The following BPTF variants were observed in gnomAD, a reference collection of about 807,000 sequenced individuals.
BPTF encodes the protein nucleosome-remodeling factor subunit BPTF.
Under a neutral mutation model 292.5 loss-of-function variants are expected in BPTF, and 18 were observed. The ratio of observed to expected loss-of-function variants is 0.06; its 90% CI spans 0.04 to 0.09. The LOEUF is 0.09. BPTF is among the 10% of genes least tolerant of loss of function. BPTF has a pLI of 1.00. For missense variants in BPTF, 2,726 were observed against 3,498.7 expected, an observed-to-expected ratio of 0.78 and a Z score of 5.57; for synonymous variants, 1,225 against 1,251.9, an observed-to-expected ratio of 0.98 and a Z score of 0.45.
intron 24 of BPTF, among the ~76,000 whole-genome samples, chr17:67,963,004 T>TA (rs1360895376): frequency 9.2e-5 from 14 of 152,214 alleles, no homozygotes; most frequent in African/African-American, 3.1e-4. Flanking sequence ...TTGTGCCTGT[T>TA]ACAGTTTTAC....
intron 27 of BPTF, among the ~76,000 whole-genome samples, chr17:67,976,280 C>G (rs2069403328): frequency 6.6e-6 from 1 of 152,194 alleles, no homozygotes; most frequent in Non-Finnish European, 1.5e-5. Flanking sequence ...CGAGCCCAGA[C>G]TGGCCAACAT....
In BPTF at chr17:67,891,825, TGGCC is replaced by T. The variant is rs2061135937; in HGVS notation, c.1865-18_1865-15del. 1 of 1,542,776 alleles carries T rather than the reference TGGCC, an allele frequency of 6.5e-7. No homozygotes were observed. The highest frequency in any genetic ancestry group is 1.4e-5 in the African/African-American group (1 of 71,540). The stretch of plus-strand genomic sequence containing the variant: ...TTACTTATTGTCAGCAATTGCTTTG[TGGCC>T]TATTCATTTGACAGTAGGTGATTTC... On this transcript the variant is annotated splice_polypyrimidine_tract_variant and intron_variant, in intron 4 of 27. Coordinates refer to ENST00000306378, the MANE Select transcript of BPTF (RefSeq NM_182641.4).
chr17:67,948,445 G>A (rs183982268), intron 23 of BPTF, 139 bp downstream of exon 23: 356 of 763,480 alleles, frequency 4.7e-4, no homozygotes, highest in Non-Finnish European at 4.6e-4. Context: ...GTAAAAAGCA[G>A]TGCAGCGTGT....
intron 1 of BPTF, among the ~76,000 whole-genome samples, chr17:67,831,293 A>G (rs1205375622): frequency 6.6e-6 from 1 of 152,146 alleles, no homozygotes; most frequent in Non-Finnish European, 1.5e-5. Context: ...TTCAGTAACA[A>G]TGGGGAGGTC....
rs1238327938 is a variant in BPTF, at chr17:67,982,475, A to G, written c.*187A>G. On this transcript the variant is annotated 3_prime_UTR_variant, in exon 28 of 28. Transcript: ENST00000306378. ...TTGTCCAACGGACAAGAAAAAAGCAAAGTCAACGACACCATTATCTTGTCA... is the reference window on the plus strand; with the variant it reads ...TTGTCCAACGGACAAGAAAAAAGCAGAGTCAACGACACCATTATCTTGTCA... The G allele has an allele frequency of 2.1e-6, 1 of 484,932 alleles. No individual in the cohort carries two copies. The highest frequency in any genetic ancestry group is 2.0e-5 in the African/African-American group (1 of 50,420). 30.0% of individuals were successfully genotyped at this position (484,932 alleles called of 1,614,324 possible). A position where few individuals can be genotyped will look rare whatever the true frequency, so the allele number is the denominator to read the frequency against.
chr17:67,919,065 G>A (rs921665658), intron 12 of BPTF, among the ~76,000 whole-genome samples: 1 of 151,344 alleles, frequency 6.6e-6, no homozygotes, highest in Non-Finnish European at 1.5e-5. Flanking sequence ...CCAGCTACTC[G>A]GGAGGCTGAG....
chr17:67,951,161 A>G (rs2066318169), intron 23 of BPTF: 1 of 152,006 alleles, frequency 6.6e-6, no homozygotes, highest in Non-Finnish European at 1.5e-5. Flanking sequence ...TGATTACATC[A>G]TTGGCTGTTG....
chr17:67,838,802 A>G (rs2144257888), intron 1 of BPTF, among the ~76,000 whole-genome samples: 1 of 152,332 alleles, frequency 6.6e-6, no homozygotes, highest in East Asian at 1.9e-4. Context: ...CTTTTTACAA[A>G]ATTGGAAGAA....
intron 24 of BPTF, among the ~76,000 whole-genome samples, chr17:67,961,971 CAAA>C (rs59543153): frequency 8.3e-6 from 1 of 120,768 alleles, no homozygotes. Flanking sequence ...AAAGCTCTGT[CAAA>C]AAAAAAAAAG....
At chr17:67,830,254 A>C (rs1393189495) in intron 1 of BPTF, among the ~76,000 whole-genome samples, 2 of 152,206 alleles carry the variant, frequency 1.3e-5, no homozygotes, top group Non-Finnish European at 2.9e-5. Flanking sequence ...CTTGTGTGAG[A>C]CTTCTGAGAA....
intron 14 of BPTF, 37 bp from the exon 15 acceptor site, chr17:67,924,510 G>T (rs768780576): frequency 6.2e-7 from 1 of 1,604,114 alleles, no homozygotes; most frequent in South Asian, 1.1e-5. Flanking sequence ...TGCCTAACAG[G>T]CTAGTTTCTG....
chr17:67,853,792 C>T lies in BPTF; in HGVS notation c.614-148C>T, dbSNP rs1303931363. The T allele has an allele frequency of 2.5e-5, 16 of 632,108 alleles. No individual in the cohort carries two copies. In the East Asian group the frequency reaches 4.4e-4, roughly 17 times the overall value. The allele number at this position is 632,108 out of a possible 1,614,324, so 39.2% of individuals were successfully genotyped here. A position where few individuals can be genotyped will look rare whatever the true frequency, so the allele number is the denominator to read the frequency against. ...TTTTCTATAGATTTAAAAATTAGAGCTGAATCATTGCTTCTTCGTATTATT... is the reference window on the plus strand; with the variant it reads ...TTTTCTATAGATTTAAAAATTAGAGTTGAATCATTGCTTCTTCGTATTATT... On this transcript the variant is annotated intron_variant, in intron 1 of 27. Transcript: ENST00000306378.
Position 67,911,405 on chromosome 17 carries a change from G to C in BPTF, c.3521G>C (p.Ser1174Thr), listed in dbSNP as rs767140242. 9.9e-6 allele frequency: 16 copies of C among 1,613,976 alleles called. No homozygotes were observed. The highest frequency in any genetic ancestry group is 1.3e-5 in the African/African-American group (1 of 74,906). ...DRVLDDVSIRSPETKCPKQNS... is the reference protein window; with the variant it reads ...DRVLDDVSIRTPETKCPKQNS... ...GTGTTAGATGATGTCTCCATTCGGA[G>C]CCCAGAAACAAAATGTCCGAAACAA... The change falls in exon 11 of 28, where the codon AGC becomes ACC. Residue 1174 changes from serine to threonine, a missense_variant. Around this residue, in one of 22 missense-constraint regions of BPTF, gnomAD observed 713 missense variants for 714.9 expected, o/e 1.00. Coordinates refer to ENST00000306378, the MANE Select transcript of BPTF (RefSeq NM_182641.4).
intron 26 of BPTF, among the ~76,000 whole-genome samples, chr17:67,967,237 G>A (rs1347396407): frequency 6.7e-6 from 1 of 149,698 alleles, no homozygotes; most frequent in Non-Finnish European, 1.5e-5. Context: ...CGCCTCCCAG[G>A]TTCAAGCAAT....
intron 23 of BPTF, among the ~76,000 whole-genome samples, chr17:67,950,585 C>T: frequency 6.6e-6 from 1 of 151,998 alleles, no homozygotes; most frequent in South Asian, 2.1e-4. Context: ...CACCTGTAAT[C>T]CCAGCACTTT....
chr17:67,964,092 A>G (rs1381370922), intron 24 of BPTF, 120 bp from the exon 25 acceptor site: 1 of 1,009,910 alleles, frequency 9.9e-7, no homozygotes, highest in Non-Finnish European at 1.4e-6. Flanking sequence ...AAAGTATTAA[A>G]ACCATAATAC....
At chr17:67,891,733 G>C (rs1018772596) in intron 4 of BPTF, 111 bp from the exon 5 acceptor site, 7 of 724,608 alleles carry the variant, frequency 9.7e-6, no homozygotes, top group South Asian at 4.1e-5. Flanking sequence ...TTTTTTATCT[G>C]TTTACTTTGT....
At chr17:67,982,109 G>A (rs781848051) in intron 27 of BPTF, 143 bp from the exon 28 acceptor site, 11 of 755,274 alleles carry the variant, frequency 1.5e-5, no homozygotes, top group South Asian at 4.5e-5. Flanking sequence ...TTTCTTAATC[G>A]TTCTTTTCTA....
intron 20 of BPTF, chr17:67,944,727 C>G (rs7406952): frequency 0.94 from 252,588 of 269,280 alleles, 120,775 homozygotes; most frequent in East Asian, 1. Flanking sequence ...TTCATGACCT[C>G]AGATTGAGAG....
Sources: allele counts gnomAD v4.1 joint callset (sites outside exome capture counted in the v4.1 genomes callset), GRCh38; gene constraint gnomAD v4.1.1; regional missense constraint gnomAD v4.1.1; transcripts MANE v1.5; gene names NCBI Gene and HGNC (gene_info 2026-07-23, HGNC 2026-07-21).